Variants in FRAS1 observed in about 807,000 individuals in gnomAD.
FRAS1 encodes extracellular matrix organizing protein FRAS1.
FRAS1 carries 290 observed loss-of-function variants against 435.2 expected under a neutral mutation model. The observed-to-expected ratio is 0.67, with a 90% confidence interval of 0.61 to 0.73. The LOEUF is 0.73. FRAS1 is among the 30% of genes least tolerant of loss of function. FRAS1 has a pLI of 0.00. For missense variants in FRAS1, 4,860 were observed against 5,001.5 expected (o/e 0.97, Z 0.85); for synonymous variants, 1,800 against 1,851.0 (o/e 0.97, Z 0.71).
At chr4:78,481,780 A>G (rs1479079078) in intron 56 of FRAS1, 24 bp from the exon 57 acceptor site, 2 of 1,613,526 alleles carry the variant, frequency 1.2e-6, no homozygotes, top group Admixed American at 3.3e-5. Context: ...TTGACCATTA[A>G]AATCTCTATG....
In FRAS1 at chr4:78,540,527, G is replaced by C. The variant is rs1722014959; in HGVS notation, c.11446-4G>C. On this transcript the variant is annotated splice_polypyrimidine_tract_variant and splice_region_variant and intron_variant, in intron 73 of 73. Coordinates refer to ENST00000512123, the MANE Select transcript of FRAS1 (RefSeq NM_025074.7). ...AACAACATGTTCGGTTTGTCCCCCTGCAGGTGGAAGCAGGACACCAGTGGT... is the reference window on the plus strand; with the variant it reads ...AACAACATGTTCGGTTTGTCCCCCTCCAGGTGGAAGCAGGACACCAGTGGT... The C allele has an allele frequency of 1.3e-6, 2 of 1,487,366 alleles. No individual in the cohort carries two copies. The highest frequency in any genetic ancestry group is 1.8e-6 in the Non-Finnish European group (2 of 1,117,070). 92.1% of individuals were successfully genotyped at this position (1,487,366 alleles called of 1,614,324 possible). A position where few individuals can be genotyped will look rare whatever the true frequency, so the allele number is the denominator to read the frequency against.
intron 43 of FRAS1, among the ~76,000 whole-genome samples, chr4:78,447,442 C>T (rs1017958869): frequency 1.3e-5 from 2 of 151,610 alleles, no homozygotes; most frequent in Non-Finnish European, 2.9e-5. Context: ...TCGTAATGCT[C>T]ATTGGTCTTT....
At chr4:78,201,423 C>T (rs1392180769) in intron 2 of FRAS1, among the ~76,000 whole-genome samples, 1 of 152,166 alleles carries the variant, frequency 6.6e-6, no homozygotes, top group Non-Finnish European at 1.5e-5. Flanking sequence ...TTAGCCTAAC[C>T]TTTGTTTCAC....
chr4:78,271,233 G>A (rs1726661448), intron 9 of FRAS1, among the ~76,000 whole-genome samples: 2 of 151,368 alleles, frequency 1.3e-5, no homozygotes, highest in South Asian at 2.1e-4. Flanking sequence ...TATAATACAG[G>A]CCCCAAATTA....
At chr4:78,116,865 C>A (rs1560531004) in intron 2 of FRAS1, among the ~76,000 whole-genome samples, 3 of 152,158 alleles carry the variant, frequency 2.0e-5, no homozygotes, top group African/African-American at 7.2e-5. Context: ...GAATTTGATC[C>A]TGTCATTATG....
intron 22 of FRAS1, among the ~76,000 whole-genome samples, chr4:78,367,624 G>A (rs908753438): frequency 6.8e-6 from 1 of 146,484 alleles, no homozygotes; most frequent in Admixed American, 6.7e-5. Context: ...GACTGTTACT[G>A]ACTAAAAATC....
At chr4:78,233,852 C>T (rs1469125569) in intron 2 of FRAS1, among the ~76,000 whole-genome samples, 5 of 152,238 alleles carry the variant, frequency 3.3e-5, no homozygotes, top group Non-Finnish European at 7.3e-5. Context: ...TTCAATCTCA[C>T]TCATCCTGTT....
At chr4:78,256,566 A>C (rs1011121917) in intron 6 of FRAS1, among the ~76,000 whole-genome samples, 1 of 152,232 alleles carries the variant, frequency 6.6e-6, no homozygotes, top group Non-Finnish European at 1.5e-5. Context: ...TCAAAAATGT[A>C]ACCTCAGACT....
intron 2 of FRAS1, among the ~76,000 whole-genome samples, chr4:78,080,723 C>T (rs1389377350): frequency 6.6e-6 from 1 of 152,190 alleles, no homozygotes; most frequent in African/African-American, 2.4e-5. Context: ...TAATTTTGGG[C>T]TCACAAATGC....
At chr4:78,321,433 A>G (rs1467324908) in intron 18 of FRAS1, among the ~76,000 whole-genome samples, 1 of 152,208 alleles carries the variant, frequency 6.6e-6, no homozygotes, top group Non-Finnish European at 1.5e-5. Context: ...TCTCCATTCC[A>G]TACAGGAGAG....
At chr4:78,198,392 T>G (rs1722910397) in intron 2 of FRAS1, among the ~76,000 whole-genome samples, 1 of 133,962 alleles carries the variant, frequency 7.5e-6, no homozygotes, top group Admixed American at 7.6e-5. Context: ...TGTCTTGATC[T>G]CATTCTTCTC....
At chr4:78,291,833 G>C (rs944184446) in intron 14 of FRAS1, among the ~76,000 whole-genome samples, 2 of 152,112 alleles carry the variant, frequency 1.3e-5, no homozygotes, top group African/African-American at 2.4e-5. Context: ...GTGCTGTATG[G>C]TCTCAGATTT....
At chr4:78,533,098 C>T (rs1200766967) in intron 70 of FRAS1, among the ~76,000 whole-genome samples, 1 of 152,184 alleles carries the variant, frequency 6.6e-6, no homozygotes, top group East Asian at 1.9e-4. Context: ...ACACCCATGA[C>T]CATATTATTT....
intron 20 of FRAS1, among the ~76,000 whole-genome samples, chr4:78,363,252 C>A (rs1360188883): frequency 6.6e-6 from 1 of 152,096 alleles, no homozygotes. Flanking sequence ...CACGTGACAC[C>A]CTCGTATCTA....
chr4:78,537,072 G>T lies in FRAS1; in HGVS notation c.11170G>T (p.Val3724Phe). Residue 3724 changes from valine to phenylalanine, a missense_variant, in exon 72 of 74, where the codon GTC becomes TTC. Val to Phe is a conservative substitution (Grantham distance 50, BLOSUM62 -1). Transcript: ENST00000512123. ...TGCTTACAAACTCCAGCTGGAGAAA[G>T]TCTATCTTTGTACGGGCAAGGATGG... ...NSAYKLQLEK[V>F]YLCTGKDGYV... 1.9e-6 allele frequency: 3 copies of T among 1,614,046 alleles called. No individual in the cohort carries two copies. Among genetic ancestry groups the T allele is most frequent in the Non-Finnish European group, 2.5e-6 (3 of 1,179,890 alleles).
chr4:78,081,748 G>A (rs1740906724), intron 2 of FRAS1, among the ~76,000 whole-genome samples: 1 of 152,134 alleles, frequency 6.6e-6, no homozygotes, highest in African/African-American at 2.4e-5. Context: ...CCAGGCCTGA[G>A]CAGCTGCCTC....
intron 4 of FRAS1, among the ~76,000 whole-genome samples, 173 bp downstream of exon 4, chr4:78,245,498 T>G (rs971130278): frequency 2.6e-5 from 4 of 152,320 alleles, no homozygotes; most frequent in East Asian, 1.9e-4. Context: ...GAGTAAAACA[T>G]TCTGTAGGCT....
chr4:78,284,169 T>C (rs1727463520), intron 12 of FRAS1, among the ~76,000 whole-genome samples: 1 of 150,658 alleles, frequency 6.6e-6, no homozygotes, highest in Non-Finnish European at 1.5e-5. Context: ...GCTGGGGCTA[T>C]GGGAGACAGT....
intron 14 of FRAS1, among the ~76,000 whole-genome samples, chr4:78,288,583 T>C (rs1391937247): frequency 1.3e-5 from 2 of 152,166 alleles, no homozygotes; most frequent in Non-Finnish European, 2.9e-5. Flanking sequence ...CAAATGCCTC[T>C]AGTAGAAAGT....
Sources: allele counts gnomAD v4.1 joint callset (sites outside exome capture counted in the v4.1 genomes callset), GRCh38; gene constraint gnomAD v4.1.1; transcripts MANE v1.5; gene names NCBI Gene and HGNC (gene_info 2026-07-23, HGNC 2026-07-21).